CLCA2: variants seen among roughly 807,000 people sequenced by gnomAD.
The protein encoded by CLCA2 is chloride channel accessory 2.
CLCA2 carries 85 observed loss-of-function variants against 82.9 expected under a neutral mutation model. The observed-to-expected ratio is 1.03, with a 90% CI of 0.86 to 1.23. The LOEUF (loss-of-function observed/expected upper bound fraction) is 1.23. Ranked by LOEUF, CLCA2 falls within the 50% of genes most tolerant of loss-of-function variation. The pLI is 0.00. For missense variants in CLCA2, 1,089 were observed against 1,124.8 expected (o/e 0.97, Z 0.45); for synonymous variants, 421 against 391.7 (o/e 1.07, Z -0.88).
At chr1:86,426,938 AT>A (rs1007657506) in intron 2 of CLCA2, among the ~76,000 whole-genome samples, 6 of 152,200 alleles carry the variant, frequency 3.9e-5, no homozygotes, top group Non-Finnish European at 5.9e-5. Flanking sequence ...AAAAGTGAAA[AT>A]ATGAGTGAAC....
intron 6 of CLCA2, among the ~76,000 whole-genome samples, chr1:86,437,526 G>T (rs1814203): frequency 0.24 from 36,430 of 152,148 alleles, 4,861 homozygotes; most frequent in Non-Finnish European, 0.3. Context: ...GGAAAGAGAA[G>T]AAAGGAGGAC....
intron 9 of CLCA2, among the ~76,000 whole-genome samples, chr1:86,442,780 G>T (rs1662763093): frequency 6.6e-6 from 1 of 152,076 alleles, no homozygotes; most frequent in Admixed American, 6.6e-5. Context: ...AAATGCAGGG[G>T]CTCTGGTGTC....
At chr1:86,444,070 T>G (rs1662799509) in intron 10 of CLCA2, 59 bp downstream of exon 10, 2 of 1,102,532 alleles carry the variant, frequency 1.8e-6, no homozygotes, top group East Asian at 2.4e-5. Context: ...GATTTTCAGC[T>G]GAATCACATG....
At position 86,455,464 on chromosome 1, in the gene CLCA2, A is replaced by G. The variant is rs1663058411; in HGVS notation, c.2769A>G (p.Thr923=). 2 of 1,543,756 alleles carry G rather than the reference A, an allele frequency of 1.3e-6. No homozygotes were observed. Among genetic ancestry groups the G allele is most frequent in the Non-Finnish European group, 8.7e-7 (1 of 1,148,688 alleles). Residue 923 remains threonine (T), a synonymous_variant, in exon 14 of 14, where the codon ACA becomes ACG. Transcript: ENST00000370565. ...TCATTTGCCTTATTATAGTTGTGAC[A>G]CATCATACTTTAAGCAGGAAAAAGA... ...IGIICLIIVV[T]HHTLSRKKRA...
At chr1:86,450,389 G>T (rs561486938) in intron 11 of CLCA2, among the ~76,000 whole-genome samples, 174 bp from the exon 12 acceptor site, 24 of 152,230 alleles carry the variant, frequency 1.6e-4, no homozygotes, top group African/African-American at 5.5e-4. Context: ...ATTACAGGGA[G>T]AAATTATGGA....
intron 10 of CLCA2, among the ~76,000 whole-genome samples, chr1:86,446,679 A>G (rs986776822): frequency 1.3e-5 from 2 of 152,036 alleles, no homozygotes; most frequent in Non-Finnish European, 2.9e-5. Context: ...TTACGCTTCA[A>G]CCCCTTGCTT....
intron 10 of CLCA2, among the ~76,000 whole-genome samples, chr1:86,446,631 T>C (rs1292602233): frequency 6.6e-6 from 1 of 152,156 alleles, no homozygotes; most frequent in Non-Finnish European, 1.5e-5. Flanking sequence ...TGAAGAAAGA[T>C]GGCTAGGGTG....
intron 3 of CLCA2, among the ~76,000 whole-genome samples, chr1:86,430,519 G>C (rs17129145): frequency 6.6e-6 from 1 of 152,124 alleles, no homozygotes; most frequent in East Asian, 1.9e-4. Flanking sequence ...CCTGAACTTA[G>C]AGGCCTCTAC....
In CLCA2 at chr1:86,433,263, C is replaced by T. The variant is rs527782387; in HGVS notation, c.744+735C>T. ...CATCAGCCTTCATGACCTGATATAT[C>T]TCTCAAAGTTCACAAAAGCCTGTAA... On this transcript the variant is annotated intron_variant, in intron 5 of 13. Transcript: ENST00000370565. Among the ~76,000 whole-genome samples the T allele has an allele frequency of 2.0e-5, 3 of 152,244 alleles. No homozygotes were observed. In the South Asian group the frequency reaches 6.2e-4, roughly 32 times the overall value.
rs748904328 is a variant in CLCA2 at position 86,438,967 on chromosome 1, A to G, written c.1064A>G (p.Asp355Gly). Reference protein sequence around the residue: ...IHTFVGIASFDSKGEIRAQLH... With the variant: ...IHTFVGIASFGSKGEIRAQLH... ...ACCTTCGTGGGCATTGCCAGTTTCG[A>G]CAGCAAAGGAGAGATCAGAGCCCAG... The change falls in exon 7 of 14, where the codon GAC becomes GGC. Residue 355 changes from aspartate to glycine, a missense_variant. Transcript: ENST00000370565. 6.2e-7 allele frequency: 1 copy of G among 1,614,140 alleles called. No homozygotes were observed. The highest frequency in any genetic ancestry group is 2.2e-5 in the East Asian group (1 of 44,880).
chr1:86,448,991 T>A (rs1002659094), intron 11 of CLCA2, among the ~76,000 whole-genome samples: 1 of 152,272 alleles, frequency 6.6e-6, no homozygotes, highest in African/African-American at 2.4e-5. Flanking sequence ...TTTTATATTA[T>A]TCCTTGGAAC....
At chr1:86,442,170 T>C (rs1298220366) in intron 9 of CLCA2, among the ~76,000 whole-genome samples, 1 of 152,246 alleles carries the variant, frequency 6.6e-6, no homozygotes, top group East Asian at 1.9e-4. Flanking sequence ...GCCTGCCAAG[T>C]TAATGGCTTG....
At chr1:86,452,176 C>CTTT (rs753484167) in intron 12 of CLCA2, among the ~76,000 whole-genome samples, 617 of 43,928 alleles carry the variant, frequency 0.014, 33 homozygotes, top group African/African-American at 0.042. Flanking sequence ...AACCTGGAAG[C>CTTT]TTTTTTTTTT....
intron 5 of CLCA2, among the ~76,000 whole-genome samples, chr1:86,433,792 A>G (rs1662546175): frequency 6.6e-6 from 1 of 152,198 alleles, no homozygotes; most frequent in Non-Finnish European, 1.5e-5. Context: ...AAGAGAGGCT[A>G]TTCAGTTGCT....
At chr1:86,455,020 TTCTAATAAACTAGAAAA>T in intron 13 of CLCA2, 48 bp from the exon 14 acceptor site, 7 of 994,442 alleles carry the variant, frequency 7.0e-6, no homozygotes, top group Non-Finnish European at 1.0e-5. Flanking sequence ...CATTAGTAAT[TTCTAATAAACTAGAAAA>T]TATACTCAAA....
chr1:86,449,315 G>A (rs1481829169), intron 11 of CLCA2, among the ~76,000 whole-genome samples: 1 of 152,166 alleles, frequency 6.6e-6, no homozygotes, highest in Non-Finnish European at 1.5e-5. Context: ...TCAGAGACAT[G>A]AAGCCTCATA....
rs370474340 is a variant in CLCA2, at chr1:86,428,188, G to A, written c.325-230G>A. Among the ~76,000 whole-genome samples the A allele has an allele frequency of 5.9e-5, 9 of 152,296 alleles. No individual in the cohort carries two copies. In the South Asian group the frequency reaches 1.9e-3, roughly 32 times the overall value. ...AAATTTGCTAAGCTTTCATAACATA[G>A]ACCTTTTTGGAAATCCCAAGTGATT... On this transcript the variant is annotated intron_variant, in intron 2 of 13. Coordinates refer to ENST00000370565, the MANE Select transcript of CLCA2 (RefSeq NM_006536.7).
At position 86,455,314 on chromosome 1, in the gene CLCA2, C is replaced by T; in HGVS notation, c.2619C>T (p.Ser873=). The T allele has an allele frequency of 1.2e-6, 2 of 1,613,966 alleles. No individual in the cohort carries two copies. The highest frequency in any genetic ancestry group is 1.3e-5 in the African/African-American group (1 of 75,040). ...YVAIRAMDRN[S]LQSAVSNIAQ... ...CAATACGAGCAATGGATAGGAACTC[C>T]TTACAGTCTGCTGTATCTAACATTG... is the stretch of plus-strand genomic sequence containing the variant. Residue 873 remains serine, a synonymous_variant, in exon 14 of 14, where the codon TCC becomes TCT. Transcript: ENST00000370565.
chr1:86,438,434 T>C (rs949428679), intron 6 of CLCA2, among the ~76,000 whole-genome samples: 5 of 152,216 alleles, frequency 3.3e-5, no homozygotes, highest in Non-Finnish European at 7.3e-5. Context: ...GTGACCACAA[T>C]AGCAGAGGGT....
Sources: gnomAD v4.1 joint callset for allele counts (sites outside exome capture counted in the v4.1 genomes callset) on GRCh38, gnomAD v4.1.1 for gene constraint, MANE v1.5 for transcripts, NCBI Gene and HGNC (gene_info 2026-07-23, HGNC 2026-07-21) for gene names.